Variants in FCGR2A observed in about 807,000 individuals in gnomAD.
The protein encoded by FCGR2A is low affinity immunoglobulin gamma Fc region receptor II-a.
In FCGR2A, 18 loss-of-function variants were observed where a neutral mutation model predicts 29.3. That is an observed-to-expected ratio of 0.62 (90% CI 0.43 to 0.91). The LOEUF (loss-of-function observed/expected upper bound fraction) is 0.91. Ranked by LOEUF, FCGR2A falls within the 40% of genes least tolerant of loss-of-function variation. FCGR2A has a pLI of 0.00. For synonymous variants in FCGR2A, 126 were observed against 144.8 expected, an observed-to-expected ratio of 0.87 and a Z score of 0.93; for missense variants, 287 against 393.0, an observed-to-expected ratio of 0.73 and a Z score of 2.28.
chr1:161,511,382 C>T (rs1192651413), intron 5 of FCGR2A, among the ~76,000 whole-genome samples: 1 of 152,178 alleles, frequency 6.6e-6, no homozygotes, highest in Non-Finnish European at 1.5e-5. Context: ...CCCACTAACA[C>T]CTCACAAAGC....
At chr1:161,510,212 A>G (rs558084508) in intron 4 of FCGR2A, 138 bp downstream of exon 4, 315 of 1,464,818 alleles carry the variant, frequency 2.2e-4, no homozygotes, top group African/African-American at 1.7e-3. Flanking sequence ...GTGGGGTGGA[A>G]GCCTGGCTAA....
chr1:161,513,997 T>A, intron 6 of FCGR2A, 65 bp downstream of exon 6: 1 of 1,612,694 alleles, frequency 6.2e-7, no homozygotes, highest in Admixed American at 1.7e-5. Flanking sequence ...TCCTCTCATT[T>A]TTGCCTTTGT....
chr1:161,510,495 T>C (rs1675700085), intron 4 of FCGR2A: 2 of 454,216 alleles, frequency 4.4e-6, no homozygotes, highest in East Asian at 8.5e-5. Flanking sequence ...AGAGTAATGA[T>C]GCCTCCAGCT....
chr1:161,510,714 G>C, intron 4 of FCGR2A, 120 bp from the exon 5 acceptor site: 1 of 1,296,584 alleles, frequency 7.7e-7, no homozygotes, highest in Non-Finnish European at 1.1e-6. Context: ...AGACACAGAA[G>C]AGCTTCAGGT....
Position 161,507,380 on chromosome 1 carries a change from C to T in FCGR2A, c.364+789C>T, listed in dbSNP as rs145476686. Among the ~76,000 whole-genome samples the T allele has an allele frequency of 4.5e-4, 68 of 152,334 alleles. No homozygotes were observed. In the South Asian group the frequency reaches 5.8e-3, roughly 13 times the overall value. ...TCAAGTGATCTTCCCTCCTCAGGCT[C>T]TCAAAGTATTGGGATTATAGGCGTG... is the stretch of plus-strand genomic sequence containing the variant. On this transcript the variant is annotated intron_variant, in intron 3 of 6. Transcript: ENST00000271450.
At chr1:161,510,426 T>A in intron 4 of FCGR2A, 1 of 501,996 alleles carries the variant, frequency 2.0e-6, no homozygotes, top group Non-Finnish European at 3.6e-6. Flanking sequence ...TGGCTCATGT[T>A]ATAGCCATTC....
Position 161,518,594 on chromosome 1 carries a change from C to T in FCGR2A, c.*446C>T, listed in dbSNP as rs565056716. On this transcript the variant is annotated 3_prime_UTR_variant, in exon 7 of 7. Coordinates refer to ENST00000271450, the MANE Select transcript of FCGR2A (RefSeq NM_001136219.3). The stretch of plus-strand genomic sequence containing the variant: ...CTGGAACACTAAACTTCATGAATTG[C>T]GCCTCAGATTTTTCCTTTAACATCT... The T allele has an allele frequency of 1.4e-3, 236 of 171,588 alleles. No individual in the cohort carries two copies. Among genetic ancestry groups the T allele is most frequent in the Non-Finnish European group, 2.5e-3 (203 of 79,862 alleles). 10.6% of individuals were successfully genotyped at this position (171,588 alleles called of 1,614,324 possible).
chr1:161,511,453 C>CAG (rs949540871), intron 5 of FCGR2A, among the ~76,000 whole-genome samples: 7 of 151,240 alleles, frequency 4.6e-5, no homozygotes, highest in South Asian at 4.1e-4. Context: ...TACAGAGAAA[C>CAG]AGAGAGAGAG....
chr1:161,510,799 AC>A (rs36115508), intron 4 of FCGR2A, 34 bp from the exon 5 acceptor site: 9 of 1,611,584 alleles, frequency 5.6e-6, no homozygotes, highest in Non-Finnish European at 7.6e-6. Context: ...TAAAATAGTA[AC>A]CCCCCATCCT....
rs1436941754 is a variant in FCGR2A, at chr1:161,508,028, G to T, written c.364+1437G>T. Among the ~76,000 whole-genome samples, 3 of 145,992 alleles carry T rather than the reference G, an allele frequency of 2.1e-5. No individual in the cohort carries two copies. The East Asian group carries it at 6.1e-4, about 29-fold the overall frequency. On this transcript the variant is annotated intron_variant, in intron 3 of 6. Transcript: ENST00000271450. ...TTGAACCTGGGAGGTGGAGGTTGCG[G>T]TGAGCCAAGATCACACCACTGCACT...
At position 161,506,455 on chromosome 1, in the gene FCGR2A, C is replaced by A; in HGVS notation, c.228C>A (p.Phe76Leu). ...RSPESDSIQW[F>L]HNGNLIPTHT... ...CTGAGAGCGACTCCATTCAGTGGTTCCACAATGGGAATCTCATTCCCACCC... is the reference window on the plus strand; with the variant it reads ...CTGAGAGCGACTCCATTCAGTGGTTACACAATGGGAATCTCATTCCCACCC... Residue 76 changes from phenylalanine to leucine, a missense_variant, in exon 3 of 7, where the codon TTC becomes TTA. Phe to Leu is a conservative substitution (Grantham distance 22, BLOSUM62 0). Transcript: ENST00000271450. 6.2e-7 allele frequency: 1 copy of A among 1,614,226 alleles called. No homozygotes were observed. Among genetic ancestry groups the A allele is most frequent in the Non-Finnish European group, 8.5e-7 (1 of 1,180,030 alleles).
downstream of FCGR2A, among the ~76,000 whole-genome samples, chr1:161,522,600 C>T (rs969736264): frequency 6.6e-6 from 1 of 152,122 alleles, no homozygotes; most frequent in Non-Finnish European, 1.5e-5. Context: ...TGGCAAATGT[C>T]TTGACTCTGG....
intron 4 of FCGR2A, 95 bp from the exon 5 acceptor site, chr1:161,510,739 C>T: frequency 2.0e-6 from 3 of 1,491,524 alleles, no homozygotes; most frequent in Non-Finnish European, 2.8e-6. Flanking sequence ...AGCACTGGGA[C>T]ATAGCATTGG....
chr1:161,510,209 G>A (rs1467875434), intron 4 of FCGR2A, 135 bp downstream of exon 4: 7 of 1,483,146 alleles, frequency 4.7e-6, no homozygotes, highest in Non-Finnish European at 5.4e-6. Flanking sequence ...GGAGTGGGGT[G>A]GAAGCCTGGC....
Position 161,509,847 on chromosome 1 carries a change from T to C in FCGR2A, c.392T>C (p.Leu131Pro), listed in dbSNP as rs1401781924. 6.2e-7 allele frequency: 1 copy of C among 1,614,204 alleles called. No individual in the cohort carries two copies. Among genetic ancestry groups the C allele is most frequent in the Non-Finnish European group, 8.5e-7 (1 of 1,180,030 alleles). ...TGGCTGGTGCTCCAGACCCCTCACC[T>C]GGAGTTCCAGGAGGGAGAAACCATC... ...SEWLVLQTPHLEFQEGETIML... is the reference protein window; with the variant it reads ...SEWLVLQTPHPEFQEGETIML... The change falls in exon 4 of 7, where the codon CTG becomes CCG. Residue 131 changes from leucine to proline, a missense_variant. Physicochemically the swap from Leu to Pro is moderately conservative, Grantham distance 98 (BLOSUM62 -3). Around this residue, in one of 3 missense-constraint regions of FCGR2A, gnomAD observed 181 missense variants for 250.9 expected, o/e 0.72. Coordinates refer to ENST00000271450, the MANE Select transcript of FCGR2A (RefSeq NM_001136219.3).
chr1:161,523,994 G>T (rs899324909), downstream of FCGR2A: 22 of 155,248 alleles, frequency 1.4e-4, no homozygotes, highest in African/African-American at 4.8e-4. Flanking sequence ...ACCAGGCACC[G>T]TCTTAAATCG....
chr1:161,506,084 G>A (rs1024206207), intron 2 of FCGR2A, 77 bp downstream of exon 2: 1 of 1,469,224 alleles, frequency 6.8e-7, no homozygotes, highest in Non-Finnish European at 9.5e-7. Context: ...TGGGGCGGCG[G>A]GGGGGTATGT....
chr1:161,510,687 G>A, intron 4 of FCGR2A, 147 bp from the exon 5 acceptor site: 1 of 1,063,912 alleles, frequency 9.4e-7, no homozygotes, highest in Non-Finnish European at 1.4e-6. Context: ...GGTGAATCTT[G>A]CATTGGTGAG....
chr1:161,508,648 C>A (rs1346891528), intron 3 of FCGR2A, among the ~76,000 whole-genome samples: 1 of 150,300 alleles, frequency 6.7e-6, no homozygotes, highest in Non-Finnish European at 1.5e-5. Flanking sequence ...TAAATAAGAT[C>A]GAATAAATTA....
Sources: gnomAD v4.1 joint callset for allele counts (sites outside exome capture counted in the v4.1 genomes callset) on GRCh38, gnomAD v4.1.1 for gene constraint, gnomAD v4.1.1 regional missense constraint, MANE v1.5 for transcripts, NCBI Gene and HGNC (gene_info 2026-07-23, HGNC 2026-07-21) for gene names.